The following RANBP9 variants were observed in gnomAD, a reference collection of about 807,000 sequenced individuals.
RANBP9 encodes RAN binding protein 9, also known as ran-binding protein 9.
A neutral mutation model predicts 84.3 loss-of-function variants in RANBP9; 15 were observed. That is an observed-to-expected ratio of 0.18 (90% confidence interval 0.12 to 0.27). The LOEUF (loss-of-function observed/expected upper bound fraction) is 0.27. Among genes scored for constraint, RANBP9 ranks in the 10% least tolerant of loss-of-function variants. The pLI is 1.00. For missense variants in RANBP9, 809 were observed against 912.8 expected, an observed-to-expected ratio of 0.89 and a Z score of 1.46; for synonymous variants, 392 against 349.6, an observed-to-expected ratio of 1.12 and a Z score of -1.35.
chr6:13,710,953 G>T lies in RANBP9; in HGVS notation c.553C>A (p.Leu185Met). The change falls in exon 1 of 14, where the codon CTG (leucine) becomes ATG (methionine). Residue 185 changes from leucine (L) to methionine (M), a missense_variant. Leu to Met is a conservative substitution (Grantham distance 15, BLOSUM62 2). Coordinates refer to ENST00000011619, the MANE Select transcript of RANBP9 (RefSeq NM_005493.3). ...FSYIGLSQNN[L>M]RVHYKGHGKT... ...CCAGTACCTTTGTAGTGCACCCGCA[G>T]GTTGTTCTGAGAGAGGCCGATGTAG... 1 of 1,609,204 alleles carries T rather than the reference G, an allele frequency of 6.2e-7. No individual in the cohort carries two copies. Among genetic ancestry groups the T allele is most frequent in the Non-Finnish European group, 8.5e-7 (1 of 1,177,998 alleles).
intron 2 of RANBP9, among the ~76,000 whole-genome samples, chr6:13,696,104 G>A (rs1296932024): frequency 6.6e-6 from 1 of 151,920 alleles, no homozygotes; most frequent in African/African-American, 2.4e-5. Flanking sequence ...AATTCAGTGT[G>A]GAGCTTTCTC....
Position 13,711,105 on chromosome 6 carries a change from G to A in RANBP9, c.401C>T (p.Pro134Leu), listed in dbSNP as rs780251324. The change falls in exon 1 of 14, where the codon CCT becomes CTT. Residue 134 changes from proline (P) to leucine (L), a missense_variant. Pro to Leu is a moderately conservative substitution (Grantham distance 98). Transcript: ENST00000011619. ...CTCGTTCAGGGCCGAGTCCCCGTGA[G>A]GGAAGGGGGCCGCGGCGCTGCTGCC... Reference protein sequence around the residue: ...VAGSSAAAPFPHGDSALNEQE... With the variant: ...VAGSSAAAPFLHGDSALNEQE... 41 of 1,563,164 alleles carry A rather than the reference G, an allele frequency of 2.6e-5. No individual in the cohort carries two copies. The highest frequency in any genetic ancestry group is 3.6e-5 in the Non-Finnish European group (41 of 1,154,756).
chr6:13,635,970 G>A (rs1764927835), intron 10 of RANBP9, among the ~76,000 whole-genome samples: 1 of 151,884 alleles, frequency 6.6e-6, no homozygotes, highest in Non-Finnish European at 1.5e-5. Flanking sequence ...AGCTAATTAA[G>A]TTATTATATT....
intron 2 of RANBP9, 75 bp downstream of exon 2, chr6:13,696,705 AACTTT>A: frequency 8.2e-7 from 1 of 1,216,430 alleles, no homozygotes. Context: ...CCAGGATTCC[AACTTT>A]CCAATTACAT....
intron 2 of RANBP9, among the ~76,000 whole-genome samples, chr6:13,693,056 T>A (rs1685817091): frequency 6.6e-6 from 1 of 152,132 alleles, no homozygotes. Flanking sequence ...AATATCATAA[T>A]TACAGTCTGG....
intron 1 of RANBP9, among the ~76,000 whole-genome samples, chr6:13,701,658 T>G (rs1757975169): frequency 6.6e-6 from 1 of 151,744 alleles, no homozygotes; most frequent in Admixed American, 6.6e-5. Context: ...TATTCCCAGC[T>G]ACTTGGGAGG....
rs577515421 is a variant in RANBP9, at chr6:13,711,110, G to C, written c.396C>G (p.Pro132=). The part of the protein sequence containing the change: ...ALVAGSSAAA[P]FPHGDSALNE... ...TCAGGGCCGAGTCCCCGTGAGGGAA[G>C]GGGGCCGCGGCGCTGCTGCCCGCCA... The change falls in exon 1 of 14, where the codon CCC becomes CCG. Residue 132 remains proline, a synonymous_variant. Transcript: ENST00000011619. The C allele has an allele frequency of 4.1e-4, 640 of 1,556,752 alleles. 2 individuals are homozygous for C. The highest frequency in any genetic ancestry group is 1.0e-3 in the Admixed American group (54 of 52,984).
In RANBP9 at chr6:13,641,326, C is replaced by T; in HGVS notation, c.1226-19G>A. 6.8e-7 allele frequency: 1 copy of T among 1,468,528 alleles called. No individual in the cohort carries two copies. Among genetic ancestry groups the T allele is most frequent in the South Asian group, 1.2e-5 (1 of 80,788 alleles). The allele number at this position is 1,468,528 out of a possible 1,614,324, so 91.0% of individuals were successfully genotyped here. A position where few individuals can be genotyped will look rare whatever the true frequency, so the allele number is the denominator to read the frequency against. Reference sequence around the variant, plus strand: ...TGAATTCCTATTCAGTAAAAGAAAGCAAACGATTAACTTTTACAAAAGTAG... The same window carrying T: ...TGAATTCCTATTCAGTAAAAGAAAGTAAACGATTAACTTTTACAAAAGTAG... On this transcript the variant is annotated intron_variant, in intron 7 of 13. Coordinates refer to ENST00000011619, the MANE Select transcript of RANBP9 (RefSeq NM_005493.3).
At position 13,629,921 on chromosome 6, in the gene RANBP9, C is replaced by CTCGT. The variant is rs1554221305; in HGVS notation, c.1947+2448_1947+2449insACGA. Among the ~76,000 whole-genome samples the CTCGT allele has an allele frequency of 5.8e-3, 751 of 128,396 alleles. 2 individuals are homozygous for CTCGT. Among genetic ancestry groups the CTCGT allele is most frequent in the African/African-American group, 0.013 (454 of 35,348 alleles). The allele number at this position is 128,396 out of a possible 152,430, so 84.2% of individuals were successfully genotyped here. A position where few individuals can be genotyped will look rare whatever the true frequency, so the allele number is the denominator to read the frequency against. On this transcript the variant is annotated intron_variant, in intron 12 of 13. Coordinates refer to ENST00000011619, the MANE Select transcript of RANBP9 (RefSeq NM_005493.3). ...TCTCTCTCTCTCTCTCTCTCTCTCT[C>CTCGT]GTGTGTGTGTGTGTGTGTGTGTATT...
In RANBP9 at chr6:13,711,474, T is replaced by TGCG. The variant is rs747486243; in HGVS notation, c.29_31dup (p.Pro10dup). 7.2e-3 allele frequency: 8,828 copies of TGCG among 1,233,952 alleles called. 126 individuals are homozygous for TGCG. Among genetic ancestry groups the TGCG allele is most frequent in the East Asian group, 0.064 (1,992 of 30,892 alleles). 76.4% of individuals were successfully genotyped at this position (1,233,952 alleles called of 1,614,324 possible). Reference sequence around the variant, plus strand: ...CAGCTGCTGCTGCTGTTGCTGCTGCTGCGGCGGCGGCGGCGGCGGCTGCCC... The same window carrying TGCG: ...CAGCTGCTGCTGCTGTTGCTGCTGCTGCGGCGGCGGCGGCGGCGGCGGCTGCCC... On this transcript the variant is annotated inframe_insertion, in exon 1 of 14. Transcript: ENST00000011619.
chr6:13,681,609 G>A (rs1766039748), intron 2 of RANBP9, among the ~76,000 whole-genome samples: 1 of 151,390 alleles, frequency 6.6e-6, no homozygotes, highest in South Asian at 2.1e-4. Flanking sequence ...AAACAAAATA[G>A]ATAAAATAAA....
intron 4 of RANBP9, among the ~76,000 whole-genome samples, chr6:13,655,845 C>T (rs1246334526): frequency 6.6e-6 from 1 of 152,106 alleles, no homozygotes; most frequent in Non-Finnish European, 1.5e-5. Context: ...ATAGTAACAA[C>T]AAATAAATTC....
In RANBP9 at chr6:13,700,856, T is replaced by C. The variant is rs1757950947; in HGVS notation, c.572-3960A>G. ...GTAATTTTTGTAGTGTTCTGATTAATGCCTACAAAGTTCCCAAGGTTTTAA... is the reference window on the plus strand; with the variant it reads ...GTAATTTTTGTAGTGTTCTGATTAACGCCTACAAAGTTCCCAAGGTTTTAA... On this transcript the variant is annotated intron_variant, in intron 1 of 13. Transcript: ENST00000011619. 2.0e-5 allele frequency among the ~76,000 whole-genome samples: 3 copies of C among 152,224 alleles called. No homozygotes were observed. In the South Asian group the frequency reaches 6.2e-4, roughly 32 times the overall value.
In RANBP9 at chr6:13,648,573, T is replaced by C. The variant is rs1765225472; in HGVS notation, c.928-3844A>G. Among the ~76,000 whole-genome samples, 5 of 152,186 alleles carry C rather than the reference T, an allele frequency of 3.3e-5. No individual in the cohort carries two copies. In the South Asian group the frequency reaches 1.0e-3, roughly 32 times the overall value. On this transcript the variant is annotated intron_variant, in intron 5 of 13. Transcript: ENST00000011619. ...TAGAATAGTATATAGACAGAATAGG[T>C]TCTTTATGAAAAGAATAGGAAAACA...
intron 2 of RANBP9, among the ~76,000 whole-genome samples, chr6:13,670,447 C>T (rs1765749010): frequency 1.3e-5 from 2 of 152,122 alleles, no homozygotes; most frequent in South Asian, 4.2e-4. Context: ...CTGATAGTGG[C>T]TTAAGACAAT....
intron 12 of RANBP9, among the ~76,000 whole-genome samples, chr6:13,627,417 G>A (rs1348836416): frequency 6.6e-6 from 1 of 151,862 alleles, no homozygotes; most frequent in Non-Finnish European, 1.5e-5. Context: ...ATCATTTGAG[G>A]CCAGGAGTTC....
At chr6:13,625,583 C>A in intron 13 of RANBP9, 70 bp downstream of exon 13, 1 of 1,028,358 alleles carries the variant, frequency 9.7e-7, no homozygotes, top group Non-Finnish European at 1.5e-6. Flanking sequence ...GTGTAAATGC[C>A]AGTACAAACA....
chr6:13,682,189 T>C (rs1252204346), intron 2 of RANBP9, among the ~76,000 whole-genome samples: 1 of 152,050 alleles, frequency 6.6e-6, no homozygotes, highest in African/African-American at 2.4e-5. Flanking sequence ...AGTCTTACTT[T>C]GAAACAATGT....
Position 13,658,859 on chromosome 6 carries a change from G to A in RANBP9, c.684-27C>T, listed in dbSNP as rs1237822348. 6 of 1,530,536 alleles carry A rather than the reference G, an allele frequency of 3.9e-6. No individual in the cohort carries two copies. The South Asian group carries it at 6.7e-5, about 17-fold the overall frequency. The allele number at this position is 1,530,536 out of a possible 1,614,324, so 94.8% of individuals were successfully genotyped here. Reference sequence around the variant, plus strand: ...TGTTGGCGGAGGTTGGGGGAGAGAAGAAAAGGACATTATTACAGTCATATA... The same window carrying A: ...TGTTGGCGGAGGTTGGGGGAGAGAAAAAAAGGACATTATTACAGTCATATA... On this transcript the variant is annotated intron_variant, in intron 2 of 13. Coordinates refer to ENST00000011619, the MANE Select transcript of RANBP9 (RefSeq NM_005493.3).
Sources: gnomAD v4.1 joint callset for allele counts (sites outside exome capture counted in the v4.1 genomes callset) on GRCh38, gnomAD v4.1.1 for gene constraint, MANE v1.5 for transcripts, NCBI Gene and HGNC (gene_info 2026-07-23, HGNC 2026-07-21) for gene names.